The following MECOM variants were observed in gnomAD, a reference collection of about 807,000 sequenced individuals.
The protein encoded by MECOM is histone-lysine N-methyltransferase MECOM.
MECOM carries 13 observed loss-of-function variants against 116.3 expected under a neutral mutation model. The observed-to-expected ratio is 0.11, with a 90% CI of 0.07 to 0.18. The LOEUF is 0.18. Ranked by LOEUF, MECOM falls within the 10% of genes least tolerant of loss-of-function variation. The probability of loss-of-function intolerance (pLI) is 1.00; values close to 1 mark genes in which losing one functional copy is unlikely to be tolerated. For synonymous variants in MECOM, 528 were observed against 535.2 expected, an observed-to-expected ratio of 0.99 and a Z score of 0.19; for missense variants, 1,299 against 1,509.0, an observed-to-expected ratio of 0.86 and a Z score of 2.31.
intron 10 of MECOM, among the ~76,000 whole-genome samples, chr3:169,107,620 T>C (rs77225433): frequency 0.057 from 8,615 of 152,220 alleles, 711 homozygotes; most frequent in East Asian, 0.31. Context: ...TAGTGACCCA[T>C]TTCGAAGCCT....
intron 1 of MECOM, among the ~76,000 whole-genome samples, chr3:169,554,928 C>G (rs1354428433): frequency 6.6e-6 from 1 of 152,168 alleles, no homozygotes; most frequent in African/African-American, 2.4e-5. Flanking sequence ...CTCCAGTGCC[C>G]TTGAACAAGT....
At chr3:169,193,509 C>A (rs1382385406) in intron 2 of MECOM, among the ~76,000 whole-genome samples, 1 of 151,644 alleles carries the variant, frequency 6.6e-6, no homozygotes, top group Non-Finnish European at 1.5e-5. Flanking sequence ...CCCAAAATAT[C>A]TTACAGAATA....
At chr3:169,457,447 G>A (rs772578368) in intron 1 of MECOM, among the ~76,000 whole-genome samples, 1 of 152,192 alleles carries the variant, frequency 6.6e-6, no homozygotes. Flanking sequence ...AGGGAGAAGA[G>A]ACATCCTTTA....
intron 2 of MECOM, among the ~76,000 whole-genome samples, chr3:169,300,848 T>C (rs1444630328): frequency 6.6e-6 from 1 of 152,228 alleles, no homozygotes; most frequent in Admixed American, 6.5e-5. Context: ...ACTGTACTTC[T>C]ATACTGGAGC....
At chr3:169,509,232 C>T in intron 1 of MECOM, among the ~76,000 whole-genome samples, 1 of 152,156 alleles carries the variant, frequency 6.6e-6, no homozygotes, top group East Asian at 1.9e-4. Flanking sequence ...CTGGATAAAT[C>T]CTGTCACTTC....
At chr3:169,368,423 T>A (rs1166537417) in intron 2 of MECOM, among the ~76,000 whole-genome samples, 2 of 152,046 alleles carry the variant, frequency 1.3e-5, no homozygotes, top group Non-Finnish European at 2.9e-5. Flanking sequence ...AGATACTACA[T>A]TAATAAAAAT....
intron 2 of MECOM, among the ~76,000 whole-genome samples, chr3:169,186,774 C>A (rs1486360466): frequency 2.6e-5 from 4 of 152,090 alleles, no homozygotes; most frequent in Admixed American, 6.6e-5. Flanking sequence ...TGACTCAGCT[C>A]CTCCACCTAG....
At chr3:169,492,013 C>T (rs1441645523) in intron 1 of MECOM, among the ~76,000 whole-genome samples, 1 of 152,190 alleles carries the variant, frequency 6.6e-6, no homozygotes, top group Non-Finnish European at 1.5e-5. Context: ...TTATCTGGGA[C>T]TAGAATTCTT....
intron 12 of MECOM, among the ~76,000 whole-genome samples, chr3:169,100,670 G>A (rs1576907404): frequency 6.6e-6 from 1 of 152,004 alleles, no homozygotes; most frequent in South Asian, 2.1e-4. Flanking sequence ...AAACTGAGAG[G>A]TAGGAAGCCT....
intron 2 of MECOM, among the ~76,000 whole-genome samples, chr3:169,247,401 G>A (rs570218554): frequency 3.3e-5 from 5 of 151,970 alleles, no homozygotes; most frequent in East Asian, 3.9e-4. Context: ...CACCTCCCGC[G>A]TTCAAGTGAT....
chr3:169,606,824 A>C (rs1042114440), intron 1 of MECOM, among the ~76,000 whole-genome samples: 1 of 152,210 alleles, frequency 6.6e-6, no homozygotes, highest in Non-Finnish European at 1.5e-5. Flanking sequence ...GGTGGACAGG[A>C]AGCTTCTTTT....
At chr3:169,261,133 G>C (rs1241455096) in intron 2 of MECOM, among the ~76,000 whole-genome samples, 2 of 152,118 alleles carry the variant, frequency 1.3e-5, no homozygotes, top group South Asian at 2.1e-4. Flanking sequence ...AATAGCCTCT[G>C]TTTGAGATGT....
At chr3:169,335,055 T>A (rs1414291733) in intron 2 of MECOM, among the ~76,000 whole-genome samples, 2 of 152,186 alleles carry the variant, frequency 1.3e-5, no homozygotes, top group African/African-American at 4.8e-5. Context: ...CACTGGTTTA[T>A]ACAAAACGCA....
chr3:169,642,990 G>A (rs1456383517), intron 1 of MECOM, among the ~76,000 whole-genome samples: 1 of 152,144 alleles, frequency 6.6e-6, no homozygotes, highest in East Asian at 1.9e-4. Context: ...GTTCAAGAAA[G>A]GAATATCCCC....
intron 1 of MECOM, among the ~76,000 whole-genome samples, chr3:169,619,732 C>T (rs2109883083): frequency 6.6e-6 from 1 of 152,328 alleles, no homozygotes; most frequent in South Asian, 2.1e-4. Context: ...CAGCCCTACT[C>T]TCCCCTTCTG....
Position 169,645,050 on chromosome 3 carries a change from G to A in MECOM, c.37+18286C>T, listed in dbSNP as rs949701410. On this transcript the variant is annotated intron_variant, in intron 1 of 16. Coordinates refer to ENST00000651503, the MANE Select transcript of MECOM (RefSeq NM_004991.4). ...TCCCACTGATCTCAACTAAACCTCC[G>A]GAACCATTAGGAACACAGACCAAAT... Among the ~76,000 whole-genome samples, 7 of 152,142 alleles carry A rather than the reference G, an allele frequency of 4.6e-5. No individual in the cohort carries two copies. In the South Asian group the frequency reaches 8.3e-4, roughly 18 times the overall value.
intron 5 of MECOM, among the ~76,000 whole-genome samples, chr3:169,127,214 A>C (rs1464611935): frequency 6.6e-6 from 1 of 152,148 alleles, no homozygotes; most frequent in Non-Finnish European, 1.5e-5. Flanking sequence ...ATAAAATTCA[A>C]AAGGCTATAA....
intron 2 of MECOM, among the ~76,000 whole-genome samples, chr3:169,262,535 C>G (rs1757691120): frequency 6.6e-6 from 1 of 152,086 alleles, no homozygotes; most frequent in Non-Finnish European, 1.5e-5. Flanking sequence ...GGAATTTGAC[C>G]AATGAAATGT....
At chr3:169,483,808 T>G (rs1324020498) in intron 1 of MECOM, 15 of 1,611,808 alleles carry the variant, frequency 9.3e-6, no homozygotes, top group Non-Finnish European at 8.5e-7. Context: ...GTGAGATATT[T>G]CAAATACCTT....
Sources: allele counts gnomAD v4.1 joint callset (sites outside exome capture counted in the v4.1 genomes callset), GRCh38; gene constraint gnomAD v4.1.1; transcripts MANE v1.5; gene names NCBI Gene and HGNC (gene_info 2026-07-23, HGNC 2026-07-21).